TSPAN18: variants seen among roughly 807,000 people sequenced by gnomAD.
TSPAN18 encodes the protein tetraspanin-18.
In TSPAN18, 14 loss-of-function variants were observed where a neutral mutation model predicts 27.3. That is an observed-to-expected ratio of 0.51 (90% CI 0.34 to 0.80). The LOEUF (loss-of-function observed/expected upper bound fraction) is 0.80. TSPAN18 is among the 30% of genes least tolerant of loss of function. TSPAN18 has a pLI of 0.01. For missense variants in TSPAN18, 268 were observed against 323.9 expected, an observed-to-expected ratio of 0.83 and a Z score of 1.32; for synonymous variants, 143 against 136.5, an observed-to-expected ratio of 1.05 and a Z score of -0.33.
intron 4 of TSPAN18, among the ~76,000 whole-genome samples, chr11:44,908,869 C>T (rs966087458): frequency 4.6e-5 from 7 of 151,174 alleles, no homozygotes; most frequent in African/African-American, 1.2e-4. Context: ...ATCTGCTAAA[C>T]GCCTTCTATC....
intron 3 of TSPAN18, among the ~76,000 whole-genome samples, chr11:44,883,176 C>T (rs911015635): frequency 6.6e-6 from 1 of 152,196 alleles, no homozygotes; most frequent in Non-Finnish European, 1.5e-5. Flanking sequence ...CTGGATCCTT[C>T]CATTTTAGTG....
At chr11:44,864,114 C>G (rs1857969228) in intron 3 of TSPAN18, among the ~76,000 whole-genome samples, 1 of 151,806 alleles carries the variant, frequency 6.6e-6, no homozygotes, top group African/African-American at 2.4e-5. Flanking sequence ...TAGTGAAACC[C>G]CGTCTCTACT....
chr11:44,800,006 G>GGTTTTTTTTTTTTTTTTTTT (rs1554985027), intron 2 of TSPAN18, among the ~76,000 whole-genome samples: 2 of 109,398 alleles, frequency 1.8e-5, no homozygotes, highest in African/African-American at 7.2e-5. Flanking sequence ...AATTTTTTGT[G>GGTTTTTTTTTTTTTTTTTTT]TTTTTTTTTT....
intron 1 of TSPAN18, among the ~76,000 whole-genome samples, chr11:44,743,611 G>A (rs767123491): frequency 1.3e-5 from 2 of 152,192 alleles, no homozygotes; most frequent in Non-Finnish European, 2.9e-5. Context: ...TGTGTGCTCC[G>A]AGCTAGGAAA....
intron 2 of TSPAN18, among the ~76,000 whole-genome samples, chr11:44,781,461 T>C (rs1590457576): frequency 1.3e-5 from 2 of 152,244 alleles, no homozygotes. Flanking sequence ...TGGGACACTA[T>C]TGTGTCTGTG....
At chr11:44,774,518 G>C (rs1231113435) in intron 2 of TSPAN18, among the ~76,000 whole-genome samples, 2 of 152,188 alleles carry the variant, frequency 1.3e-5, no homozygotes, top group Non-Finnish European at 2.9e-5. Flanking sequence ...AGGAGACCTG[G>C]GGTGACAGAG....
intron 2 of TSPAN18, among the ~76,000 whole-genome samples, chr11:44,841,867 C>G (rs902767304): frequency 4.6e-5 from 7 of 152,174 alleles, no homozygotes; most frequent in African/African-American, 1.7e-4. Context: ...GTCTTTTCTT[C>G]TAAGTCTAAT....
intron 5 of TSPAN18, among the ~76,000 whole-genome samples, chr11:44,915,641 G>A (rs1859877696): frequency 1.3e-5 from 2 of 152,198 alleles, no homozygotes; most frequent in Admixed American, 6.5e-5. Context: ...AGACTCATGG[G>A]CTCAGAAGAG....
intron 1 of TSPAN18, among the ~76,000 whole-genome samples, chr11:44,744,703 G>A (rs942808496): frequency 1.2e-4 from 19 of 152,176 alleles, no homozygotes; most frequent in African/African-American, 4.1e-4. Context: ...CAAATAAGCC[G>A]AAGAATGGGG....
intron 1 of TSPAN18, among the ~76,000 whole-genome samples, chr11:44,748,812 G>A (rs372958386): frequency 3.3e-5 from 5 of 152,166 alleles, no homozygotes; most frequent in South Asian, 2.1e-4. Context: ...AAGATTTTGC[G>A]TTTCCTGCAC....
chr11:44,783,048 C>T (rs557152351), intron 2 of TSPAN18, among the ~76,000 whole-genome samples: 12 of 152,088 alleles, frequency 7.9e-5, no homozygotes, highest in African/African-American at 1.2e-4. Context: ...AGGCTGGTCT[C>T]GAACTCCTGG....
At chr11:44,790,153 ATGTGTGTGTGTGCATGTGTG>A (rs1554983800) in intron 2 of TSPAN18, among the ~76,000 whole-genome samples, 1 of 132,144 alleles carries the variant, frequency 7.6e-6, no homozygotes, top group Non-Finnish European at 1.5e-5. Flanking sequence ...GCGTGTGTGC[ATGTGTGTGTGTGCATGTGTG>A]TGTGTGCGCA....
At chr11:44,825,230 A>G (rs934736678) in intron 2 of TSPAN18, among the ~76,000 whole-genome samples, 2 of 152,286 alleles carry the variant, frequency 1.3e-5, no homozygotes, top group South Asian at 2.1e-4. Flanking sequence ...AGAAGGCAAC[A>G]TGTTAGAGCC....
intron 2 of TSPAN18, among the ~76,000 whole-genome samples, chr11:44,856,563 A>G (rs1446375655): frequency 6.6e-6 from 1 of 152,106 alleles, no homozygotes; most frequent in African/African-American, 2.4e-5. Context: ...ACCTGGAACT[A>G]CAGAGCCATA....
At chr11:44,805,453 C>G (rs1856571760) in intron 2 of TSPAN18, among the ~76,000 whole-genome samples, 2 of 152,172 alleles carry the variant, frequency 1.3e-5, no homozygotes, top group Admixed American at 1.3e-4. Flanking sequence ...GATGCCTAAC[C>G]TCATATTCTG....
intron 3 of TSPAN18, among the ~76,000 whole-genome samples, chr11:44,891,814 C>T (rs1858859919): frequency 6.6e-6 from 1 of 152,202 alleles, no homozygotes; most frequent in African/African-American, 2.4e-5. Context: ...GGGGTCACTC[C>T]TTCCATTCTT....
intron 2 of TSPAN18, among the ~76,000 whole-genome samples, chr11:44,780,000 C>T (rs1245648101): frequency 1.3e-5 from 2 of 152,222 alleles, no homozygotes; most frequent in Non-Finnish European, 2.9e-5. Flanking sequence ...CACACACCTG[C>T]CTCCGCATTC....
intron 1 of TSPAN18, among the ~76,000 whole-genome samples, chr11:44,760,268 G>T (rs892384603): frequency 6.6e-6 from 1 of 152,210 alleles, no homozygotes; most frequent in Non-Finnish European, 1.5e-5. Flanking sequence ...GCAGAGCGGG[G>T]AACAAAGGCT....
At chr11:44,906,287 C>A (rs1293378338) in intron 3 of TSPAN18, 120 bp from the exon 4 acceptor site, 1 of 873,448 alleles carries the variant, frequency 1.1e-6, no homozygotes, top group African/African-American at 1.7e-5. Context: ...TCATCGGCCT[C>A]CATCTTCTTC....
Sources: allele counts gnomAD v4.1 joint callset (sites outside exome capture counted in the v4.1 genomes callset), GRCh38; gene constraint gnomAD v4.1.1; transcripts MANE v1.5; gene names NCBI Gene and HGNC (gene_info 2026-07-23, HGNC 2026-07-21).